The following ZBTB11 variants were observed in gnomAD, a reference collection of about 807,000 sequenced individuals.
ZBTB11 encodes the protein zinc finger and BTB domain containing 11, also known as zinc finger and BTB domain-containing protein 11.
A neutral mutation model predicts 113.1 loss-of-function variants in ZBTB11; 68 were observed. The observed-to-expected ratio is 0.60, with a 90% CI of 0.49 to 0.74. The LOEUF is 0.74. Ranked by LOEUF, ZBTB11 falls within the 30% of genes least tolerant of loss-of-function variation. ZBTB11 has a pLI of 0.00. For synonymous variants in ZBTB11, 518 were observed against 452.6 expected, an observed-to-expected ratio of 1.14 and a Z score of -1.83; for missense variants, 1,104 against 1,279.4, an observed-to-expected ratio of 0.86 and a Z score of 2.09.
At chr3:101,655,357 T>C (rs1316883009) in intron 7 of ZBTB11, among the ~76,000 whole-genome samples, 1 of 152,224 alleles carries the variant, frequency 6.6e-6, no homozygotes, top group African/African-American at 2.4e-5. Flanking sequence ...GGTTGTATGA[T>C]CTATGGATTG....
At chr3:101,675,951 C>G (rs1274255072) in intron 1 of ZBTB11, among the ~76,000 whole-genome samples, 1 of 152,044 alleles carries the variant, frequency 6.6e-6, no homozygotes, top group Non-Finnish European at 1.5e-5. Flanking sequence ...CCCCGCAAAA[C>G]CAAACAACAA....
At chr3:101,673,725 G>A (rs756222618) in intron 1 of ZBTB11, among the ~76,000 whole-genome samples, 5 of 152,096 alleles carry the variant, frequency 3.3e-5, no homozygotes, top group African/African-American at 4.8e-5. Flanking sequence ...ATTTTTGCCA[G>A]GCTGGTCTCA....
intron 5 of ZBTB11, among the ~76,000 whole-genome samples, chr3:101,660,414 A>C (rs1936868433): frequency 6.6e-6 from 1 of 152,238 alleles, no homozygotes; most frequent in Non-Finnish European, 1.5e-5. Context: ...TTGAAGATTC[A>C]AGAAATCTTC....
chr3:101,667,212 T>C (rs1443656763), intron 3 of ZBTB11, among the ~76,000 whole-genome samples: 1 of 152,178 alleles, frequency 6.6e-6, no homozygotes, highest in Non-Finnish European at 1.5e-5. Flanking sequence ...TGGTTATTTT[T>C]ATATTTTGAA....
At position 101,672,140 on chromosome 3, in the gene ZBTB11, T is replaced by C. The variant is rs778519696; in HGVS notation, c.384A>G (p.Pro128=). The C allele has an allele frequency of 2.2e-5, 36 of 1,614,214 alleles. No homozygotes were observed. The highest frequency in any genetic ancestry group is 3.0e-5 in the Non-Finnish European group (35 of 1,180,038). The change falls in exon 2 of 11, where the codon CCA becomes CCG. Residue 128 remains proline, a synonymous_variant. Transcript: ENST00000312938. ...KCQEKLDRSR[P]ISDVSEMLEE... is the part of the protein sequence containing the mutation. ...CCAACATTTCTGAAACATCTGATATTGGACGGGATCGATCTAGTTTCTCCT... is the reference window on the plus strand; with the variant it reads ...CCAACATTTCTGAAACATCTGATATCGGACGGGATCGATCTAGTTTCTCCT...
chr3:101,656,247 A>T lies in ZBTB11; in HGVS notation c.2048T>A (p.Val683Asp). The change falls in exon 7 of 11, where the codon GTC becomes GAC. Residue 683 changes from valine (V) to aspartate (D), a missense_variant and splice_region_variant. Physicochemically the swap from Val to Asp is radical, Grantham distance 152 (BLOSUM62 -3). This residue lies in a region of ZBTB11 where 535 missense variants were observed against 518.6 expected (regional missense o/e 1.03). Coordinates refer to ENST00000312938, the MANE Select transcript of ZBTB11 (RefSeq NM_014415.4). Reference sequence around the variant, plus strand: ...CTTATAGATAAAAGTCTTTCCACAGACCTAAGATAGAACAGGGGTGATTAA... The same window carrying T: ...CTTATAGATAAAAGTCTTTCCACAGTCCTAAGATAGAACAGGGGTGATTAA... ...HTGVKPHACQ[V>D]CGKTFIYKHG... is the part of the protein sequence containing the mutation. 6.5e-7 allele frequency: 1 copy of T among 1,549,432 alleles called. No individual in the cohort carries two copies. The highest frequency in any genetic ancestry group is 8.7e-7 in the Non-Finnish European group (1 of 1,149,446).
intron 3 of ZBTB11, among the ~76,000 whole-genome samples, chr3:101,668,515 C>T (rs1265489515): frequency 6.6e-6 from 1 of 151,800 alleles, no homozygotes; most frequent in Non-Finnish European, 1.5e-5. Context: ...TGTGGTCCCA[C>T]CTACACGGGA....
rs1261044499 is a variant in ZBTB11, at chr3:101,652,779, C to T, written c.2468+1G>A. 1 of 1,613,010 alleles carries T rather than the reference C, an allele frequency of 6.2e-7. No individual in the cohort carries two copies. The highest frequency in any genetic ancestry group is 2.2e-5 in the East Asian group (1 of 44,870). Reference sequence around the variant, plus strand: ...TTCAGCTCCTTCTCAAATTTACTCACCTATAAGGCTCAGTGACAGAATGAG... The same window carrying T: ...TTCAGCTCCTTCTCAAATTTACTCATCTATAAGGCTCAGTGACAGAATGAG... On this transcript the variant is annotated splice_donor_variant, in intron 9 of 10. Coordinates refer to ENST00000312938, the MANE Select transcript of ZBTB11 (RefSeq NM_014415.4). LOFTEE classifies it high-confidence loss of function.
chr3:101,652,549 C>T lies in ZBTB11; in HGVS notation c.2591G>A (p.Gly864Glu). ...QNLERVCEKC[G>E]RKFTQLREYR... is the part of the protein sequence containing the mutation. Reference sequence around the variant, plus strand: ...CTCTCTTAGCTGAGTGAATTTTCTTCCACATTTTTCACACACCCGTTCCAG... The same window carrying T: ...CTCTCTTAGCTGAGTGAATTTTCTTTCACATTTTTCACACACCCGTTCCAG... Residue 864 changes from glycine (G) to glutamate (E), a missense_variant, in exon 10 of 11, where the codon GGA becomes GAA. This residue lies in a region of ZBTB11 where 148 missense variants were observed against 259.3 expected (regional missense o/e 0.57). Coordinates refer to ENST00000312938, the MANE Select transcript of ZBTB11 (RefSeq NM_014415.4). 1 of 1,614,146 alleles carries T rather than the reference C, an allele frequency of 6.2e-7. No individual in the cohort carries two copies. The highest frequency in any genetic ancestry group is 1.1e-5 in the South Asian group (1 of 91,078).
Position 101,649,857 on chromosome 3 carries a change from C to A in ZBTB11, c.*1309G>T, listed in dbSNP as rs1469361660. On this transcript the variant is annotated 3_prime_UTR_variant, in exon 11 of 11. Transcript: ENST00000312938. ...GCTTTAGGAATGATTTACATGTGAT[C>A]TGCTTATATCTTAATTTTATACTTT... The A allele has an allele frequency of 6.6e-6, 1 of 152,554 alleles. No homozygotes were observed. Among genetic ancestry groups the A allele is most frequent in the Non-Finnish European group, 1.5e-5 (1 of 68,008 alleles). 9.5% of individuals were successfully genotyped at this position (152,554 alleles called of 1,614,324 possible).
intron 6 of ZBTB11, among the ~76,000 whole-genome samples, chr3:101,656,497 A>C (rs1936801402): frequency 6.6e-6 from 1 of 152,190 alleles, no homozygotes; most frequent in South Asian, 2.1e-4. Context: ...AAATAGTAAA[A>C]ATCAGACAAA....
At chr3:101,664,171 T>G (rs1484513161) in intron 5 of ZBTB11, among the ~76,000 whole-genome samples, 1 of 152,222 alleles carries the variant, frequency 6.6e-6, no homozygotes, top group Non-Finnish European at 1.5e-5. Flanking sequence ...TTTGGGTTGA[T>G]TCTTAGCTTT....
At chr3:101,662,768 C>CTT (rs201131277) in intron 5 of ZBTB11, among the ~76,000 whole-genome samples, 3 of 147,146 alleles carry the variant, frequency 2.0e-5, no homozygotes, top group African/African-American at 7.4e-5. Flanking sequence ...TCAAAATTGT[C>CTT]TTTTTTTTTT....
chr3:101,670,801 A>T (rs77324685), intron 3 of ZBTB11: 4 of 233,656 alleles, frequency 1.7e-5, no homozygotes, highest in African/African-American at 9.1e-5. Flanking sequence ...TAGCTTAAAC[A>T]ATCAATTTTT....
chr3:101,660,275 G>A (rs1936865935), intron 5 of ZBTB11, among the ~76,000 whole-genome samples: 2 of 152,082 alleles, frequency 1.3e-5, no homozygotes, highest in African/African-American at 2.4e-5. Context: ...GGGTCTTTCA[G>A]GAATGGTAAA....
intron 5 of ZBTB11, among the ~76,000 whole-genome samples, chr3:101,663,216 G>A (rs1018734557): frequency 1.4e-4 from 22 of 152,102 alleles, no homozygotes; most frequent in African/African-American, 5.3e-4. Flanking sequence ...GGGATTACAG[G>A]TGTGAGCCAC....
At position 101,664,982 on chromosome 3, in the gene ZBTB11, G is replaced by C; in HGVS notation, c.1605C>G (p.Pro535=). The change falls in exon 4 of 11, where the codon CCC becomes CCG. Residue 535 remains proline, a synonymous_variant. Transcript: ENST00000312938. ...EKKLQKRKAV[P]KSAVQQVAQK... is the part of the protein sequence containing the mutation. ...ATCATACCTGTTGAACTGCTGACTT[G>C]GGAACGGCTTTCCGTTTCTGCAGCT... 6.2e-7 allele frequency: 1 copy of C among 1,611,400 alleles called. No homozygotes were observed. The highest frequency in any genetic ancestry group is 1.1e-5 in the South Asian group (1 of 90,764).
chr3:101,652,598 T>G lies in ZBTB11; in HGVS notation c.2542A>C (p.Lys848Gln). 1 of 1,614,192 alleles carries G rather than the reference T, an allele frequency of 6.2e-7. No individual in the cohort carries two copies. The highest frequency in any genetic ancestry group is 8.5e-7 in the Non-Finnish European group (1 of 1,180,016). ...AGGTTTTGCTTTGCTCTTCCTTTCT[T>G]CCCATGGGTAGCTTTCTTTACATGC... is the stretch of plus-strand genomic sequence containing the variant. ...RRHVKKATHGKKGRAKQNLER... is the reference protein window; with the variant it reads ...RRHVKKATHGQKGRAKQNLER... The change falls in exon 10 of 11, where the codon AAG (lysine) becomes CAG (glutamine). Residue 848 changes from lysine to glutamine, a missense_variant. By Grantham distance (53) the Lys-to-Gln change is moderately conservative. This residue lies in a region of ZBTB11 where 148 missense variants were observed against 259.3 expected (regional missense o/e 0.57). Transcript: ENST00000312938.
At chr3:101,664,776 G>C (rs1019630782) in intron 4 of ZBTB11, 62 bp from the exon 5 acceptor site, 32 of 1,507,990 alleles carry the variant, frequency 2.1e-5, no homozygotes, top group Non-Finnish European at 2.7e-5. Context: ...TTAAAGTCAT[G>C]TTGTAAATTT....
Sources: allele counts gnomAD v4.1 joint callset (sites outside exome capture counted in the v4.1 genomes callset), GRCh38; gene constraint gnomAD v4.1.1; regional missense constraint gnomAD v4.1.1; transcripts MANE v1.5; gene names NCBI Gene and HGNC (gene_info 2026-07-23, HGNC 2026-07-21).